The following ABL2 variants were observed in gnomAD, a reference collection of about 807,000 sequenced individuals.
ABL2 encodes the protein tyrosine-protein kinase ABL2.
ABL2 carries 49 observed loss-of-function variants against 107.7 expected under a neutral mutation model. That is an observed-to-expected ratio of 0.45 (90% CI 0.36 to 0.58). The LOEUF is 0.58. Ranked by LOEUF, ABL2 falls within the 20% of genes least tolerant of loss-of-function variation. ABL2 has a pLI of 0.00. For missense variants in ABL2, 1,245 were observed against 1,457.0 expected (o/e 0.85, Z 2.37); for synonymous variants, 549 against 548.6 (o/e 1.00, Z -0.01).
At chr1:179,179,331 ACAAGT>A (rs1660233464) in intron 1 of ABL2, among the ~76,000 whole-genome samples, 1 of 152,216 alleles carries the variant, frequency 6.6e-6, no homozygotes, top group Non-Finnish European at 1.5e-5. Context: ...TGATTATTTC[ACAAGT>A]CAAGTGTCTA....
chr1:179,120,702 A>C (rs1362102060), intron 5 of ABL2, among the ~76,000 whole-genome samples: 1 of 152,184 alleles, frequency 6.6e-6, no homozygotes, highest in East Asian at 1.9e-4. Flanking sequence ...TACAGGTGTG[A>C]GCCACCACGC....
At chr1:179,182,993 CTTGATTTAACAAATAGCTAAGTTTTTTG>C (rs1660467835) in intron 1 of ABL2, among the ~76,000 whole-genome samples, 1 of 151,960 alleles carries the variant, frequency 6.6e-6, no homozygotes, top group South Asian at 2.1e-4. Context: ...CACTGGGGCT[CTTGATTTAACAAATAGCTAAGTTTTTTG>C]TTTTTGTTTT....
At chr1:179,177,051 T>C (rs371595704) in intron 1 of ABL2, among the ~76,000 whole-genome samples, 1 of 152,152 alleles carries the variant, frequency 6.6e-6, no homozygotes. Flanking sequence ...CACTTCTTTT[T>C]TGAAATAAAA....
intron 1 of ABL2, among the ~76,000 whole-genome samples, chr1:179,142,476 T>G (rs1011616339): frequency 2.0e-5 from 3 of 152,208 alleles, no homozygotes; most frequent in African/African-American, 7.2e-5. Flanking sequence ...TCAGTAACTT[T>G]TATCAGTTTA....
At chr1:179,171,017 TA>T (rs548403580) in intron 1 of ABL2, among the ~76,000 whole-genome samples, 1 of 152,148 alleles carries the variant, frequency 6.6e-6, no homozygotes, top group Non-Finnish European at 1.5e-5. Context: ...ATACCTTTCT[TA>T]AAAAAATAAT....
chr1:179,143,186 C>A (rs1285490122), intron 1 of ABL2: 2 of 1,181,678 alleles, frequency 1.7e-6, no homozygotes, highest in Non-Finnish European at 1.1e-6. Context: ...AAATGGTGAG[C>A]ATTCACAATT....
At chr1:179,212,757 T>C (rs1662347534) in intron 1 of ABL2, among the ~76,000 whole-genome samples, 4 of 136,796 alleles carry the variant, frequency 2.9e-5, no homozygotes, top group Non-Finnish European at 6.2e-5. Flanking sequence ...AGAAATACAA[T>C]GCAAGCTGGC....
In ABL2 at chr1:179,103,626, G is replaced by A. The variant is rs2102562671; in HGVS notation, c.*4092C>T. On this transcript the variant is annotated 3_prime_UTR_variant, in exon 12 of 12. Coordinates refer to ENST00000502732, the MANE Select transcript of ABL2 (RefSeq NM_007314.4). ...TTTAAATGACTGAATTCTACTGAGT[G>A]CTTGCTTGGCTTGTGTTCCCATTAC... 1 of 222,920 alleles carries A rather than the reference G, an allele frequency of 4.5e-6. No homozygotes were observed. Among genetic ancestry groups the A allele is most frequent in the Non-Finnish European group, 9.0e-6 (1 of 111,542 alleles). The allele number at this position is 222,920 out of a possible 1,614,324, so 13.8% of individuals were successfully genotyped here.
intron 1 of ABL2, among the ~76,000 whole-genome samples, chr1:179,150,318 G>A (rs1473766986): frequency 1.3e-5 from 2 of 152,168 alleles, no homozygotes; most frequent in Non-Finnish European, 2.9e-5. Flanking sequence ...CAACCTTTTA[G>A]AAAGGATCTA....
At chr1:179,142,974 A>G in intron 1 of ABL2, 2 of 1,614,232 alleles carry the variant, frequency 1.2e-6, no homozygotes, top group Non-Finnish European at 1.7e-6. Flanking sequence ...CTCAGTGCAC[A>G]GGCAGCAAAG....
chr1:179,200,820 C>T (rs1441839275), intron 1 of ABL2, among the ~76,000 whole-genome samples: 2 of 152,156 alleles, frequency 1.3e-5, no homozygotes, highest in African/African-American at 2.4e-5. Flanking sequence ...GAAAAAGGTA[C>T]ATGGGGCAAT....
intron 1 of ABL2, among the ~76,000 whole-genome samples, chr1:179,174,424 C>A (rs1051914400): frequency 6.6e-6 from 1 of 151,622 alleles, no homozygotes; most frequent in African/African-American, 2.4e-5. Context: ...GCCTGACCAA[C>A]ATGGAGAAAC....
intron 4 of ABL2, among the ~76,000 whole-genome samples, chr1:179,123,411 G>A (rs1373202869): frequency 1.3e-5 from 2 of 152,000 alleles, no homozygotes; most frequent in Non-Finnish European, 1.5e-5. Context: ...AGGCTGAGGT[G>A]GGAGGATTGC....
chr1:179,109,160 A>G lies in ABL2; in HGVS notation c.2107T>C (p.Phe703Leu). 6.2e-7 allele frequency: 1 copy of G among 1,613,720 alleles called. No homozygotes were observed. Among genetic ancestry groups the G allele is most frequent in the Non-Finnish European group, 8.5e-7 (1 of 1,179,974 alleles). Residue 703 changes from phenylalanine (F) to leucine (L), a missense_variant, in exon 12 of 12, where the codon TTC (phenylalanine) becomes CTC (leucine). Coordinates refer to ENST00000502732, the MANE Select transcript of ABL2 (RefSeq NM_007314.4). ...TTCGCCTCTTGCTGGGCAGGAGTGA[A>G]AGAGAACCCATCAGCATGCTGTAGA... is the stretch of plus-strand genomic sequence containing the variant. ...ASLQHADGFS[F>L]TPAQQEANLV...
chr1:179,119,894 G>C (rs3753532), intron 6 of ABL2, among the ~76,000 whole-genome samples: 1 of 152,068 alleles, frequency 6.6e-6, no homozygotes, highest in Non-Finnish European at 1.5e-5. Context: ...TTTAAACACA[G>C]AACCTACTGA....
chr1:179,147,660 C>T (rs181496473), intron 1 of ABL2, among the ~76,000 whole-genome samples: 1 of 152,246 alleles, frequency 6.6e-6, no homozygotes, highest in Admixed American at 6.5e-5. Flanking sequence ...GGGAGCTAAA[C>T]AATGGTACAC....
chr1:179,197,867 C>CAAA (rs71804838), intron 1 of ABL2, among the ~76,000 whole-genome samples: 62 of 137,208 alleles, frequency 4.5e-4, no homozygotes, highest in South Asian at 4.8e-4. Flanking sequence ...GAAACTGTCT[C>CAAA]AAAAAAAAAA....
intron 1 of ABL2, among the ~76,000 whole-genome samples, chr1:179,213,220 ATTTTTTCCATACTGAG>A (rs1308103141): frequency 2.0e-5 from 3 of 151,878 alleles, no homozygotes; most frequent in Non-Finnish European, 2.9e-5. Context: ...CTTTATATTC[ATTTTTTCCATACTGAG>A]TTTTGAAACA....
At chr1:179,212,528 T>A in intron 1 of ABL2, among the ~76,000 whole-genome samples, 1 of 143,748 alleles carries the variant, frequency 7.0e-6, no homozygotes, top group East Asian at 2.1e-4. Flanking sequence ...AGGTCGGGAG[T>A]TCGAGACCAG....
Sources: gnomAD v4.1 joint callset for allele counts (sites outside exome capture counted in the v4.1 genomes callset) on GRCh38, gnomAD v4.1.1 for gene constraint, MANE v1.5 for transcripts, NCBI Gene and HGNC (gene_info 2026-07-23, HGNC 2026-07-21) for gene names.